UBASH3B: variants seen among roughly 807,000 people sequenced by gnomAD.
The protein encoded by UBASH3B is ubiquitin associated and SH3 domain containing B.
UBASH3B carries 37 observed loss-of-function variants against 83.4 expected under a neutral mutation model. The observed-to-expected ratio is 0.44, with a 90% CI of 0.34 to 0.58. The LOEUF (loss-of-function observed/expected upper bound fraction) is 0.58, where lower values mean the gene tolerates loss of function less well. Ranked by LOEUF, UBASH3B falls within the 20% of genes least tolerant of loss-of-function variation. UBASH3B has a pLI of 0.01. For missense variants in UBASH3B, 657 were observed against 827.2 expected, an observed-to-expected ratio of 0.79 and a Z score of 2.52; for synonymous variants, 304 against 318.3, an observed-to-expected ratio of 0.96 and a Z score of 0.48.
intron 1 of UBASH3B, among the ~76,000 whole-genome samples, chr11:122,704,377 G>C (rs983650868): frequency 6.6e-6 from 1 of 152,200 alleles, no homozygotes; most frequent in Non-Finnish European, 1.5e-5. Context: ...TAGGAGAGTA[G>C]TTTCCAGGAG....
chr11:122,684,745 GCAC>G (rs1863787320), intron 1 of UBASH3B, among the ~76,000 whole-genome samples: 1 of 152,074 alleles, frequency 6.6e-6, no homozygotes, highest in South Asian at 2.1e-4. Flanking sequence ...TTACAGGCAT[GCAC>G]CACCACGCCC....
chr11:122,751,033 C>T (rs1004694965), intron 1 of UBASH3B, among the ~76,000 whole-genome samples: 4 of 152,142 alleles, frequency 2.6e-5, no homozygotes, highest in Non-Finnish European at 2.9e-5. Flanking sequence ...CCTGACAAGA[C>T]GGATGTGTAC....
At position 122,809,986 on chromosome 11, in the gene UBASH3B, C is replaced by T; in HGVS notation, c.*100C>T. On this transcript the variant is annotated 3_prime_UTR_variant, in exon 14 of 14. Transcript: ENST00000284273. ...CACACCACACTCTAAGTGGACAGCTCAGAATAATTTAGCATATTTCCTTTC... is the reference window on the plus strand; with the variant it reads ...CACACCACACTCTAAGTGGACAGCTTAGAATAATTTAGCATATTTCCTTTC... 4 of 1,399,764 alleles carry T rather than the reference C, an allele frequency of 2.9e-6. No individual in the cohort carries two copies. Among genetic ancestry groups the T allele is most frequent in the Non-Finnish European group, 3.9e-6 (4 of 1,027,728 alleles). The allele number at this position is 1,399,764 out of a possible 1,614,324, so 86.7% of individuals were successfully genotyped here.
intron 1 of UBASH3B, among the ~76,000 whole-genome samples, chr11:122,694,921 TTTTATTTTA>T (rs1262484730): frequency 6.6e-6 from 1 of 150,508 alleles, no homozygotes; most frequent in East Asian, 2.0e-4. Flanking sequence ...TTTATTTTTA[TTTTATTTTA>T]TTTATTTTTC....
Position 122,708,508 on chromosome 11 carries a change from G to A in UBASH3B, c.161+52298G>A, listed in dbSNP as rs549652306. On this transcript the variant is annotated intron_variant, in intron 1 of 13. Transcript: ENST00000284273. ...AGGGTTTCACCATGTTGGCCAGGCT[G>A]GTCTTGAACTCCTGACCTCAAGTGA... Among the ~76,000 whole-genome samples, 140 of 152,206 alleles carry A rather than the reference G, an allele frequency of 9.2e-4. 1 individual carries two copies. Among genetic ancestry groups the A allele is most frequent in the African/African-American group, 3.3e-3 (136 of 41,532 alleles).
At chr11:122,794,127 C>T (rs977860618) in intron 6 of UBASH3B, among the ~76,000 whole-genome samples, 6 of 152,192 alleles carry the variant, frequency 3.9e-5, no homozygotes, top group Non-Finnish European at 5.9e-5. Flanking sequence ...CACTAGGATC[C>T]ATCCCTGCCC....
intron 1 of UBASH3B, among the ~76,000 whole-genome samples, chr11:122,728,335 A>G (rs778713088): frequency 2.6e-5 from 4 of 152,204 alleles, no homozygotes; most frequent in Non-Finnish European, 5.9e-5. Flanking sequence ...GTTGGCACAG[A>G]CATCCTTCTG....
intron 1 of UBASH3B, among the ~76,000 whole-genome samples, chr11:122,690,196 A>AAT (rs1863870642): frequency 4.4e-5 from 1 of 22,654 alleles, no homozygotes; most frequent in African/African-American, 1.5e-4. Context: ...ATATATATAT[A>AAT]TATATATATA....
At chr11:122,797,713 T>C (rs1235211654) in intron 9 of UBASH3B, among the ~76,000 whole-genome samples, 1 of 151,858 alleles carries the variant, frequency 6.6e-6, no homozygotes, top group Non-Finnish European at 1.5e-5. Flanking sequence ...CAAAAAGACA[T>C]CTAAGAGTGA....
At chr11:122,776,383 G>A (rs1221328581) in intron 2 of UBASH3B, 111 bp downstream of exon 2, 2 of 986,504 alleles carry the variant, frequency 2.0e-6, no homozygotes, top group East Asian at 5.5e-5. Context: ...GAAGAGACAG[G>A]AGCCAAAAGA....
chr11:122,737,846 C>T (rs1204464150), intron 1 of UBASH3B, among the ~76,000 whole-genome samples: 2 of 152,104 alleles, frequency 1.3e-5, no homozygotes, highest in African/African-American at 4.8e-5. Flanking sequence ...TAAGGGCATC[C>T]TTAGCATGTA....
At chr11:122,792,364 G>A (rs146158922) in intron 6 of UBASH3B, among the ~76,000 whole-genome samples, 1,636 of 149,686 alleles carry the variant, frequency 0.011, 27 homozygotes, top group African/African-American at 0.038. Flanking sequence ...TGTTGCCCAG[G>A]CTGGAGCACA....
chr11:122,801,242 G>A lies in UBASH3B; in HGVS notation c.1505G>A (p.Trp502Ter). The A allele has an allele frequency of 6.2e-7, 1 of 1,611,710 alleles. No individual in the cohort carries two copies. Among genetic ancestry groups the A allele is most frequent in the South Asian group, 1.1e-5 (1 of 90,778 alleles). Residue 502 changes from tryptophan (W) to a stop codon, truncating the protein, a stop_gained, in exon 11 of 14, where the codon TGG becomes TAG. Coordinates refer to ENST00000284273, the MANE Select transcript of UBASH3B (RefSeq NM_032873.5). LOFTEE classifies it high-confidence loss of function. The stretch of plus-strand genomic sequence containing the variant: ...CGTGTAGAGCCCGGCTTATTTGAGT[G>A]GACAAAATGGGTTGCTGGGAGCACA... ...KIRVEPGLFE[W>*]TKWVAGSTLP... is the part of the protein sequence containing the mutation.
Position 122,774,261 on chromosome 11 carries a change from C to T in UBASH3B, c.162-1958C>T, listed in dbSNP as rs1356128241. 4.1e-6 allele frequency: 4 copies of T among 985,476 alleles called. No homozygotes were observed. In the East Asian group the frequency reaches 4.5e-4, roughly 112 times the overall value. 61.0% of individuals were successfully genotyped at this position (985,476 alleles called of 1,614,324 possible). On this transcript the variant is annotated intron_variant, in intron 1 of 13. Coordinates refer to ENST00000284273, the MANE Select transcript of UBASH3B (RefSeq NM_032873.5). Reference sequence around the variant, plus strand: ...TCTTGCTTCTCCGTAACTTCATCAACCTGTAAGTAGGCTTGCCTTTTACAG... The same window carrying T: ...TCTTGCTTCTCCGTAACTTCATCAATCTGTAAGTAGGCTTGCCTTTTACAG...
chr11:122,671,292 G>C (rs1863590269), intron 1 of UBASH3B, among the ~76,000 whole-genome samples: 1 of 152,140 alleles, frequency 6.6e-6, no homozygotes, highest in African/African-American at 2.4e-5. Context: ...TTGGGAGGAT[G>C]AGGCAGGCAG....
At chr11:122,809,429 G>T (rs1861400348) in intron 13 of UBASH3B, among the ~76,000 whole-genome samples, 1 of 152,170 alleles carries the variant, frequency 6.6e-6, no homozygotes, top group South Asian at 2.1e-4. Context: ...TGGCATTGTA[G>T]CCTTATGTAT....
intron 1 of UBASH3B, among the ~76,000 whole-genome samples, chr11:122,740,980 C>T (rs978384870): frequency 3.3e-5 from 5 of 152,292 alleles, no homozygotes; most frequent in Non-Finnish European, 5.9e-5. Flanking sequence ...ACAAATCGTT[C>T]GCAGGGATTT....
chr11:122,738,887 C>CA (rs35957240), intron 1 of UBASH3B, among the ~76,000 whole-genome samples: 31 of 139,552 alleles, frequency 2.2e-4, no homozygotes, highest in Non-Finnish European at 3.6e-4. Context: ...AACTCTGTCT[C>CA]AAAAAAAAAA....
chr11:122,712,896 G>GTTTTTTTTTT (rs386375116), intron 1 of UBASH3B, among the ~76,000 whole-genome samples: 8 of 64,524 alleles, frequency 1.2e-4, no homozygotes, highest in Admixed American at 7.0e-4. Context: ...TCTCTGGGTG[G>GTTTTTTTTTT]TTTTTTTTTT....
Sources: gnomAD v4.1 joint callset for allele counts (sites outside exome capture counted in the v4.1 genomes callset) on GRCh38, gnomAD v4.1.1 for gene constraint, MANE v1.5 for transcripts, NCBI Gene and HGNC (gene_info 2026-07-23, HGNC 2026-07-21) for gene names.